Variants in CPB1 observed in about 807,000 individuals in gnomAD.
CPB1 encodes the protein carboxypeptidase B1, also known as carboxypeptidase B.
A neutral mutation model predicts 51.4 loss-of-function variants in CPB1; 53 were observed. The observed-to-expected ratio is 1.03, with a 90% CI of 0.83 to 1.30. The LOEUF is 1.30. Ranked by LOEUF, CPB1 falls within the 50% of genes most tolerant of loss-of-function variation. The pLI, the probability that CPB1 is intolerant of heterozygous loss-of-function variation, is 0.00. For synonymous variants in CPB1, 189 were observed against 186.9 expected, an observed-to-expected ratio of 1.01 and a Z score of -0.09; for missense variants, 494 against 516.2, an observed-to-expected ratio of 0.96 and a Z score of 0.42.
chr3:148,836,377 C>T (rs1712902118), intron 3 of CPB1, among the ~76,000 whole-genome samples: 1 of 152,036 alleles, frequency 6.6e-6, no homozygotes. Context: ...AAAAGGACAG[C>T]TAAAATTCTA....
intron 2 of CPB1, 34 bp downstream of exon 2, chr3:148,828,111 T>C: frequency 1.3e-6 from 2 of 1,530,362 alleles, no homozygotes; most frequent in Non-Finnish European, 1.8e-6. Context: ...TCACATCTAA[T>C]TTAAAATCTT....
At chr3:148,831,433 C>T (rs1712734229) in intron 2 of CPB1, among the ~76,000 whole-genome samples, 1 of 152,096 alleles carries the variant, frequency 6.6e-6, no homozygotes, top group Non-Finnish European at 1.5e-5. Flanking sequence ...AGATGTTTGA[C>T]TTACAGTCAA....
chr3:148,832,473 A>G (rs1001362269), intron 2 of CPB1, among the ~76,000 whole-genome samples: 1 of 152,106 alleles, frequency 6.6e-6, no homozygotes, highest in African/African-American at 2.4e-5. Flanking sequence ...TTCAAGGGAA[A>G]GAATTTTATC....
intron 2 of CPB1, among the ~76,000 whole-genome samples, chr3:148,832,829 A>G (rs1404587394): frequency 2.0e-5 from 3 of 152,278 alleles, no homozygotes; most frequent in East Asian, 3.9e-4. Context: ...AGGGGAGTAC[A>G]CTGAGCACAC....
At chr3:148,850,324 C>T (rs139382740) in intron 9 of CPB1, among the ~76,000 whole-genome samples, 8 of 152,142 alleles carry the variant, frequency 5.3e-5, no homozygotes, top group Admixed American at 1.3e-4. Context: ...GTTTTTGAGA[C>T]GGAGTCTCGC....
chr3:148,838,764 C>G, intron 3 of CPB1, among the ~76,000 whole-genome samples: 1 of 152,304 alleles, frequency 6.6e-6, no homozygotes, highest in South Asian at 2.1e-4. Context: ...AAATGACCCC[C>G]TTCTAAAACT....
chr3:148,829,452 T>C (rs1026477462), intron 2 of CPB1, among the ~76,000 whole-genome samples: 1 of 152,202 alleles, frequency 6.6e-6, no homozygotes, highest in Non-Finnish European at 1.5e-5. Context: ...CTGTGTTCAG[T>C]CAAAACCATT....
intron 2 of CPB1, among the ~76,000 whole-genome samples, chr3:148,833,684 T>C (rs1236414939): frequency 6.6e-6 from 1 of 152,002 alleles, no homozygotes; most frequent in Non-Finnish European, 1.5e-5. Context: ...ACACAGTATG[T>C]TTTAGTTAAT....
At chr3:148,848,527 C>CA (rs1036707147) in intron 9 of CPB1, among the ~76,000 whole-genome samples, 8 of 151,658 alleles carry the variant, frequency 5.3e-5, no homozygotes, top group African/African-American at 7.3e-5. Flanking sequence ...TTATTTATAG[C>CA]AAAAAAATAT....
Position 148,856,199 on chromosome 3 carries a change from C to T in CPB1, c.982-1258C>T, listed in dbSNP as rs192155286. The T allele has an allele frequency of 2.0e-5, 3 of 152,284 alleles. No individual in the cohort carries two copies. In the East Asian group the frequency reaches 5.8e-4, roughly 29 times the overall value. The allele number at this position is 152,284 out of a possible 1,614,324, so 9.4% of individuals were successfully genotyped here. A position where few individuals can be genotyped will look rare whatever the true frequency, so the allele number is the denominator to read the frequency against. ...AAAATTTGCAAGTACCGACCCAAAACTCTGAGAATAATGTTAGTTCCAGGA... is the reference window on the plus strand; with the variant it reads ...AAAATTTGCAAGTACCGACCCAAAATTCTGAGAATAATGTTAGTTCCAGGA... On this transcript the variant is annotated intron_variant, in intron 9 of 10. Coordinates refer to ENST00000282957, the MANE Select transcript of CPB1 (RefSeq NM_001871.3).
intron 9 of CPB1, chr3:148,854,166 A>G (rs1850288): frequency 0.69 from 104,971 of 152,066 alleles, 36,761 homozygotes; most frequent in Middle Eastern, 0.81. Context: ...TACCATTCTT[A>G]GCAGGGGTCA....
intron 9 of CPB1, among the ~76,000 whole-genome samples, chr3:148,846,165 T>C (rs889707377): frequency 5.9e-5 from 9 of 152,144 alleles, no homozygotes; most frequent in South Asian, 2.1e-4. Context: ...ATAATGTGAA[T>C]GAGTCTTTAC....
rs1712839081 is a variant in CPB1 at position 148,834,582 on chromosome 3, A to G, written c.232A>G (p.Thr78Ala). 4.3e-6 allele frequency: 7 copies of G among 1,613,040 alleles called. No homozygotes were observed. Among genetic ancestry groups the G allele is most frequent in the Non-Finnish European group, 5.1e-6 (6 of 1,179,028 alleles). Residue 78 changes from threonine to alanine, a missense_variant, in exon 3 of 11, where the codon ACT becomes GCT. Physicochemically the swap from Thr to Ala is moderately conservative, Grantham distance 58 (BLOSUM62 0). Transcript: ENST00000282957. ...DFRVKAEDTVTVENVLKQNEL... is the reference protein window; with the variant it reads ...DFRVKAEDTVAVENVLKQNEL... ...CCGTGTTAAAGCAGAAGATACTGTC[A>G]CTGTGGAGAATGTTCTAAAGCAGAA...
chr3:148,842,546 AAGAG>A (rs1576570128), intron 6 of CPB1, among the ~76,000 whole-genome samples: 2 of 152,240 alleles, frequency 1.3e-5, no homozygotes, highest in African/African-American at 4.8e-5. Context: ...CAATAAATAA[AAGAG>A]AGGCAAAGAA....
At chr3:148,852,884 C>T (rs1452177134) in intron 9 of CPB1, among the ~76,000 whole-genome samples, 1 of 152,176 alleles carries the variant, frequency 6.6e-6, no homozygotes, top group African/African-American at 2.4e-5. Flanking sequence ...TTTCCTAACT[C>T]CTTGCCCTTC....
At chr3:148,832,591 G>A (rs190164173) in intron 2 of CPB1, among the ~76,000 whole-genome samples, 6 of 152,162 alleles carry the variant, frequency 3.9e-5, no homozygotes, top group Admixed American at 6.5e-5. Flanking sequence ...GACAACTGGC[G>A]GTAAACCCAC....
rs552811137 is a variant in CPB1 at position 148,857,750 on chromosome 3, A to T, written c.1066+209A>T. Among the ~76,000 whole-genome samples, 28 of 152,080 alleles carry T rather than the reference A, an allele frequency of 1.8e-4. 1 individual carries two copies. The South Asian group carries it at 2.7e-3, about 15-fold the overall frequency. On this transcript the variant is annotated intron_variant, in intron 10 of 10. Transcript: ENST00000282957. Reference sequence around the variant, plus strand: ...AGCAAACTTTTCTCTAAAAAAAATTAAAAAATTAGCTGGTCATGCACACCT... The same window carrying T: ...AGCAAACTTTTCTCTAAAAAAAATTTAAAAATTAGCTGGTCATGCACACCT...
intron 9 of CPB1, among the ~76,000 whole-genome samples, chr3:148,850,701 G>T (rs911372486): frequency 3.3e-5 from 5 of 152,184 alleles, no homozygotes; most frequent in Non-Finnish European, 7.3e-5. Flanking sequence ...TCAGAGGGAA[G>T]AAATATTGTG....
chr3:148,847,695 G>A (rs2331406), intron 9 of CPB1, among the ~76,000 whole-genome samples: 37,008 of 151,902 alleles, frequency 0.24, 4,627 homozygotes, highest in African/African-American at 0.31. Flanking sequence ...GAATTCTACC[G>A]AAGTAAAATG....
Sources: allele counts gnomAD v4.1 joint callset (sites outside exome capture counted in the v4.1 genomes callset), GRCh38; gene constraint gnomAD v4.1.1; transcripts MANE v1.5; gene names NCBI Gene and HGNC (gene_info 2026-07-23, HGNC 2026-07-21).